The following ACOXL variants were observed in gnomAD, a reference collection of about 807,000 sequenced individuals.
The protein encoded by ACOXL is acyl-coenzyme A oxidase-like protein.
A neutral mutation model predicts 71.9 loss-of-function variants in ACOXL; 70 were observed. The observed-to-expected ratio is 0.97, with a 90% CI of 0.80 to 1.19. ACOXL has a LOEUF of 1.19. Ranked by LOEUF, ACOXL falls within the 50% of genes most tolerant of loss-of-function variation. The pLI is 0.00. For missense variants in ACOXL, 703 were observed against 736.3 expected (o/e 0.95, Z 0.52); for synonymous variants, 253 against 281.6 (o/e 0.90, Z 1.02).
At chr2:111,004,609 A>T in intron 14 of ACOXL, among the ~76,000 whole-genome samples, 1 of 152,110 alleles carries the variant, frequency 6.6e-6, no homozygotes, top group Admixed American at 6.5e-5. Flanking sequence ...CTTGTTGCAA[A>T]CAACTCGTCA....
intron 12 of ACOXL, among the ~76,000 whole-genome samples, chr2:110,972,319 T>G (rs1435526070): frequency 6.6e-6 from 1 of 152,174 alleles, no homozygotes; most frequent in East Asian, 1.9e-4. Context: ...TTTTACAGTC[T>G]GCTAAGAAAG....
chr2:110,767,540 C>G (rs1318184181), intron 1 of ACOXL, among the ~76,000 whole-genome samples: 3 of 152,212 alleles, frequency 2.0e-5, no homozygotes, highest in Admixed American at 6.5e-5. Context: ...GCTCAACCAT[C>G]AGCTAGTAGC....
intron 15 of ACOXL, among the ~76,000 whole-genome samples, chr2:111,047,566 G>A (rs536044902): frequency 3.3e-5 from 5 of 152,304 alleles, no homozygotes; most frequent in East Asian, 1.9e-4. Context: ...AACTGAGGAC[G>A]GAGTTGAGGG....
intron 10 of ACOXL, among the ~76,000 whole-genome samples, chr2:110,851,654 C>T (rs1692616039): frequency 6.6e-6 from 1 of 152,220 alleles, no homozygotes; most frequent in Non-Finnish European, 1.5e-5. Flanking sequence ...TTGTTTTTCA[C>T]TGCAAGGTGG....
chr2:111,098,768 T>TA (rs1323099114), intron 17 of ACOXL: 2 of 152,092 alleles, frequency 1.3e-5, no homozygotes, highest in Admixed American at 1.3e-4. Flanking sequence ...AAAAGTTTAC[T>TA]AAAAAAACAA....
rs1395933860 is a variant in ACOXL at position 110,805,279 on chromosome 2, C to G, written c.637C>G (p.Pro213Ala). The change falls in exon 9 of 18, where the codon CCA becomes GCA. Residue 213 changes from proline (P) to alanine (A), a missense_variant. Transcript: ENST00000439055. ...TTTCCACAGGTTTGGTTCCGTGGCTCCAGATGGACAGTACCATTCGCCTAT... is the reference window on the plus strand; with the variant it reads ...TTTCCACAGGTTTGGTTCCGTGGCTGCAGATGGACAGTACCATTCGCCTAT... Reference protein sequence around the residue: ...NLLDKFGSVAPDGQYHSPIRN... With the variant: ...NLLDKFGSVAADGQYHSPIRN... 1.9e-6 allele frequency: 3 copies of G among 1,614,144 alleles called. No homozygotes were observed. In the Admixed American group the frequency reaches 5.0e-5, roughly 27 times the overall value.
intron 16 of ACOXL, among the ~76,000 whole-genome samples, chr2:111,075,703 T>C (rs1207417187): frequency 1.3e-5 from 2 of 152,236 alleles, no homozygotes; most frequent in East Asian, 3.9e-4. Context: ...AAGCATTTTA[T>C]GCTATAACTT....
chr2:111,046,745 G>A (rs1186094424), intron 15 of ACOXL, among the ~76,000 whole-genome samples: 1 of 152,102 alleles, frequency 6.6e-6, no homozygotes, highest in African/African-American at 2.4e-5. Context: ...TTTGAGTGGG[G>A]ATACAACCAA....
chr2:110,767,553 C>T (rs1338389414), intron 1 of ACOXL, among the ~76,000 whole-genome samples: 2 of 152,148 alleles, frequency 1.3e-5, no homozygotes, highest in African/African-American at 4.8e-5. Context: ...CTAGTAGCAG[C>T]CAAGAGATGA....
chr2:110,753,748 T>C (rs988158277), intron 1 of ACOXL, among the ~76,000 whole-genome samples: 1 of 152,250 alleles, frequency 6.6e-6, no homozygotes, highest in Non-Finnish European at 1.5e-5. Flanking sequence ...AATGTAATTG[T>C]CAGGTCATGG....
intron 10 of ACOXL, among the ~76,000 whole-genome samples, chr2:110,873,332 CCAGAAGG>C (rs1328027926): frequency 6.6e-6 from 1 of 152,028 alleles, no homozygotes; most frequent in Non-Finnish European, 1.5e-5. Context: ...TCGGTGGCAG[CCAGAAGG>C]CCTGGCCCCA....
chr2:110,741,044 T>A (rs767004832), intron 1 of ACOXL, among the ~76,000 whole-genome samples: 3 of 152,206 alleles, frequency 2.0e-5, no homozygotes, highest in Non-Finnish European at 4.4e-5. Context: ...AGTGTCATTC[T>A]CTTTTCTCTA....
At chr2:110,987,065 T>G (rs1477928094) in intron 12 of ACOXL, 43 bp from the exon 13 acceptor site, 14 of 1,510,740 alleles carry the variant, frequency 9.3e-6, no homozygotes, top group South Asian at 1.2e-5. Flanking sequence ...TACTGTCATT[T>G]TTTACACTGC....
At chr2:111,095,391 C>CTTTTTTTTT (rs780172456) in intron 17 of ACOXL, among the ~76,000 whole-genome samples, 12 of 116,588 alleles carry the variant, frequency 1.0e-4, no homozygotes, top group East Asian at 2.5e-4. Context: ...TTTTCTTTTT[C>CTTTTTTTTT]TTTTTTTTTT....
At chr2:111,059,779 A>AG (rs968807590) in intron 16 of ACOXL, among the ~76,000 whole-genome samples, 10 of 151,874 alleles carry the variant, frequency 6.6e-5, no homozygotes, top group South Asian at 2.1e-4. Flanking sequence ...AAAAAAAAAA[A>AG]AGAGAGAAGA....
At chr2:110,970,308 A>G (rs2062126752) in intron 12 of ACOXL, among the ~76,000 whole-genome samples, 1 of 152,260 alleles carries the variant, frequency 6.6e-6, no homozygotes, top group Non-Finnish European at 1.5e-5. Flanking sequence ...AGTGGAATTT[A>G]TCTCTGATAT....
At position 110,934,126 on chromosome 2, in the gene ACOXL, A is replaced by G. The variant is rs530417956; in HGVS notation, c.1059+484A>G. Among the ~76,000 whole-genome samples the G allele has an allele frequency of 5.9e-5, 9 of 152,300 alleles. No homozygotes were observed. The South Asian group carries it at 1.2e-3, about 21-fold the overall frequency. ...GAAGCACAAGGTGTTAGAAATCCCA[A>G]TATGAATATTTGAGGGAGTTGAGGG... On this transcript the variant is annotated intron_variant, in intron 12 of 17. Transcript: ENST00000439055.
chr2:111,118,368 A>G lies in ACOXL; in HGVS notation c.*552A>G, dbSNP rs2070491229. On this transcript the variant is annotated 3_prime_UTR_variant, in exon 18 of 18. Transcript: ENST00000439055. ...TGCAAGGAAACGCACGGACTGGGAG[A>G]AGGAAGTGGGAGCCTAGAGTTTTGC... The G allele has an allele frequency of 6.5e-6, 1 of 153,408 alleles. No homozygotes were observed. Among genetic ancestry groups the G allele is most frequent in the South Asian group, 2.0e-4 (1 of 4,912 alleles). 9.5% of individuals were successfully genotyped at this position (153,408 alleles called of 1,614,324 possible). A position where few individuals can be genotyped will look rare whatever the true frequency, so the allele number is the denominator to read the frequency against.
At chr2:110,951,851 T>G (rs2061344822) in intron 12 of ACOXL, among the ~76,000 whole-genome samples, 1 of 152,222 alleles carries the variant, frequency 6.6e-6, no homozygotes, top group Admixed American at 6.5e-5. Context: ...GATGTATGTG[T>G]GTGTATTTAA....
Sources: gnomAD v4.1 joint callset for allele counts (sites outside exome capture counted in the v4.1 genomes callset) on GRCh38, gnomAD v4.1.1 for gene constraint, MANE v1.5 for transcripts, NCBI Gene and HGNC (gene_info 2026-07-23, HGNC 2026-07-21) for gene names.